Variants in ZNF428 observed in about 807,000 individuals in gnomAD.
ZNF428 encodes zinc finger protein 428.
Under a neutral mutation model 15.6 loss-of-function variants are expected in ZNF428, and 5 were observed. The observed-to-expected ratio is 0.32, with a 90% CI of 0.17 to 0.67. The LOEUF (loss-of-function observed/expected upper bound fraction) is 0.67. ZNF428 is among the 30% of genes least tolerant of loss of function. ZNF428 has a pLI of 0.73. For synonymous variants in ZNF428, 97 were observed against 102.2 expected (o/e 0.95, Z 0.31); for missense variants, 237 against 256.0 (o/e 0.93, Z 0.51).
rs1973302438 is a variant in ZNF428, at chr19:43,612,017, C to T, written c.76+2212G>A. On this transcript the variant is annotated intron_variant, in intron 2 of 2. Coordinates refer to ENST00000300811, the MANE Select transcript of ZNF428 (RefSeq NM_182498.4). The surrounding 1 kb of genome is among the most constrained non-coding windows in gnomAD (Gnocchi z 4.2). Reference sequence around the variant, plus strand: ...CCAGAGTCTTCAATGCCCACTATTACTTCACACAGTTGGCCTGTGACAGGC... The same window carrying T: ...CCAGAGTCTTCAATGCCCACTATTATTTCACACAGTTGGCCTGTGACAGGC... 4.7e-6 allele frequency: 4 copies of T among 860,152 alleles called. No homozygotes were observed. Among genetic ancestry groups the T allele is most frequent in the Non-Finnish European group, 7.4e-6 (4 of 539,826 alleles). The allele number at this position is 860,152 out of a possible 1,614,324, so 53.3% of individuals were successfully genotyped here. A position where few individuals can be genotyped will look rare whatever the true frequency, so the allele number is the denominator to read the frequency against.
rs1419045464 is a variant in ZNF428 at position 43,607,627 on chromosome 19, C to T, written c.557G>A (p.Gly186Asp). Residue 186 changes from glycine to aspartate, a missense_variant, in exon 3 of 3, where the codon GGT (glycine) becomes GAT (aspartate). Coordinates refer to ENST00000300811, the MANE Select transcript of ZNF428 (RefSeq NM_182498.4). This position sits in a 1 kb window ranked among gnomAD's most constrained non-coding sequence, Gnocchi z 5.1. Reference protein sequence around the residue: ...LHGHFMLHARGEV With the variant: ...LHGHFMLHARDEV ...GTATGGGGGCTCTGCCTACACCTCA[C>T]CCCGGGCATGCAGCATGAAGTGCCC... is the stretch of plus-strand genomic sequence containing the variant. 1 of 1,587,688 alleles carries T rather than the reference C, an allele frequency of 6.3e-7. No homozygotes were observed. Among genetic ancestry groups the T allele is most frequent in the Non-Finnish European group, 8.6e-7 (1 of 1,164,278 alleles).
At chr19:43,610,273 C>T (rs1973281529) in intron 2 of ZNF428, among the ~76,000 whole-genome samples, 1 of 151,918 alleles carries the variant, frequency 6.6e-6, no homozygotes, top group South Asian at 2.1e-4. Context: ...GATCTCAGCT[C>T]ACTGGAAACT....
At position 43,614,354 on chromosome 19, in the gene ZNF428, T is replaced by C; in HGVS notation, c.-50A>G. On this transcript the variant is annotated 5_prime_UTR_variant, in exon 2 of 3. Transcript: ENST00000300811. ...GGAGCAGAGCAGCAGCTGAGCAGCG[T>C]CCCTCCCCGGCCAGCTCTCCACAGC... is the stretch of plus-strand genomic sequence containing the variant. The C allele has an allele frequency of 6.5e-7, 1 of 1,547,946 alleles. No homozygotes were observed. The highest frequency in any genetic ancestry group is 8.7e-7 in the Non-Finnish European group (1 of 1,149,934).
intron 1 of ZNF428, among the ~76,000 whole-genome samples, chr19:43,618,820 G>A (rs1380716944): frequency 6.6e-6 from 1 of 151,554 alleles, no homozygotes. Flanking sequence ...TATTTTATAC[G>A]GCAACCACAC....
At position 43,612,501 on chromosome 19, in the gene ZNF428, G is replaced by C. The variant is rs1322674847; in HGVS notation, c.76+1728C>G. 2 of 1,551,436 alleles carry C rather than the reference G, an allele frequency of 1.3e-6. No homozygotes were observed. The highest frequency in any genetic ancestry group is 1.7e-6 in the Non-Finnish European group (2 of 1,146,970). ...AGCCGGGGTAGGACACCTGGCAGAA[G>C]GGGAAGCCGCAGCTCCAAGAGGTCA... On this transcript the variant is annotated intron_variant, in intron 2 of 2. Transcript: ENST00000300811. The surrounding 1 kb of genome is among the most constrained non-coding windows in gnomAD (Gnocchi z 4.2).
Position 43,607,371 on chromosome 19 carries a change from A to C in ZNF428, c.*246T>G. On this transcript the variant is annotated 3_prime_UTR_variant, in exon 3 of 3. Coordinates refer to ENST00000300811, the MANE Select transcript of ZNF428 (RefSeq NM_182498.4). The surrounding 1 kb of genome is among the most constrained non-coding windows in gnomAD (Gnocchi z 5.1). ...TTCCCCAAGAAGGAGCCCAGGGGGA[A>C]TACACACACACACACACACACACAA... 9.1e-6 allele frequency: 4 copies of C among 437,820 alleles called. No individual in the cohort carries two copies. Among genetic ancestry groups the C allele is most frequent in the Admixed American group, 4.2e-5 (1 of 23,626 alleles). 27.1% of individuals were successfully genotyped at this position (437,820 alleles called of 1,614,324 possible). A position where few individuals can be genotyped will look rare whatever the true frequency, so the allele number is the denominator to read the frequency against.
chr19:43,609,697 G>A (rs971142957), intron 2 of ZNF428, among the ~76,000 whole-genome samples: 6 of 150,654 alleles, frequency 4.0e-5, no homozygotes, highest in African/African-American at 1.5e-4. Flanking sequence ...AGCCAATATT[G>A]AACCACTGCA....
chr19:43,614,493 T>C (rs1973352585), intron 1 of ZNF428, 59 bp from the exon 2 acceptor site: 2 of 1,405,712 alleles, frequency 1.4e-6, no homozygotes, highest in Non-Finnish European at 1.9e-6. Flanking sequence ...ATAGCACCCA[T>C]CCCCACCAAG....
At position 43,612,150 on chromosome 19, in the gene ZNF428, C is replaced by A. The variant is rs1184183663; in HGVS notation, c.76+2079G>T. 13 of 1,551,680 alleles carry A rather than the reference C, an allele frequency of 8.4e-6. No homozygotes were observed. Among genetic ancestry groups the A allele is most frequent in the Non-Finnish European group, 6.1e-6 (7 of 1,146,982 alleles). On this transcript the variant is annotated intron_variant, in intron 2 of 2. Transcript: ENST00000300811. This position sits in a 1 kb window ranked among gnomAD's most constrained non-coding sequence, Gnocchi z 4.2. ...TCTTCACCTAAGAGATCTTCAAAGCCCAGTATGTCTCTGGCACCCAGTGGA... is the reference window on the plus strand; with the variant it reads ...TCTTCACCTAAGAGATCTTCAAAGCACAGTATGTCTCTGGCACCCAGTGGA...
At chr19:43,613,898 C>A in intron 2 of ZNF428, 4 of 1,551,672 alleles carry the variant, frequency 2.6e-6, no homozygotes. Context: ...GGAGAGAGAT[C>A]ACAGCCGATC....
chr19:43,616,770 C>T (rs1600089695), intron 1 of ZNF428, among the ~76,000 whole-genome samples: 1 of 151,392 alleles, frequency 6.6e-6, no homozygotes, highest in Admixed American at 6.6e-5. Context: ...ATCTGTGGGT[C>T]TTAGTACACC....
At chr19:43,614,123 C>G in intron 2 of ZNF428, 106 bp downstream of exon 2, 2 of 1,604,318 alleles carry the variant, frequency 1.2e-6, no homozygotes, top group Non-Finnish European at 1.7e-6. Context: ...GAATAGAACC[C>G]CTAGCAAGAC....
chr19:43,615,918 G>A (rs2146122827), intron 1 of ZNF428, among the ~76,000 whole-genome samples: 1 of 152,306 alleles, frequency 6.6e-6, no homozygotes, highest in South Asian at 2.1e-4. Flanking sequence ...CAGTCCTCTT[G>A]GGTTTTTACG....
chr19:43,613,593 C>T, intron 2 of ZNF428: 1 of 1,551,182 alleles, frequency 6.4e-7, no homozygotes, highest in Non-Finnish European at 8.7e-7. Flanking sequence ...CTTGGAAGCC[C>T]CAGCAAAGAG....
chr19:43,612,285 C>G lies in ZNF428; in HGVS notation c.76+1944G>C. The G allele has an allele frequency of 6.4e-7, 1 of 1,551,744 alleles. No individual in the cohort carries two copies. Among genetic ancestry groups the G allele is most frequent in the Non-Finnish European group, 8.7e-7 (1 of 1,147,006 alleles). Reference sequence around the variant, plus strand: ...ACCAAACCAGCGACATCCCGTAACTCAGTCATGAGCCCAAGCAGTTCCAAG... The same window carrying G: ...ACCAAACCAGCGACATCCCGTAACTGAGTCATGAGCCCAAGCAGTTCCAAG... On this transcript the variant is annotated intron_variant, in intron 2 of 2. Transcript: ENST00000300811. This position sits in a 1 kb window ranked among gnomAD's most constrained non-coding sequence, Gnocchi z 4.2.
chr19:43,613,813 C>G, intron 2 of ZNF428: 1 of 1,549,274 alleles, frequency 6.5e-7, no homozygotes, highest in Non-Finnish European at 8.7e-7. Flanking sequence ...GAAGCCCCAG[C>G]AAAGAGAGAG....
intron 1 of ZNF428, 30 bp from the exon 2 acceptor site, chr19:43,614,464 T>C: frequency 7.0e-7 from 1 of 1,431,524 alleles, no homozygotes; most frequent in South Asian, 1.5e-5. Flanking sequence ...AGACCTGTGA[T>C]GATTCAATAA....
Position 43,607,571 on chromosome 19 carries a change from C to T in ZNF428, c.*46G>A. 1 of 1,531,264 alleles carries T rather than the reference C, an allele frequency of 6.5e-7. No homozygotes were observed. The highest frequency in any genetic ancestry group is 1.3e-5 in the South Asian group (1 of 78,962). 94.9% of individuals were successfully genotyped at this position (1,531,264 alleles called of 1,614,324 possible). On this transcript the variant is annotated 3_prime_UTR_variant, in exon 3 of 3. Transcript: ENST00000300811. The surrounding 1 kb of genome is among the most constrained non-coding windows in gnomAD (Gnocchi z 5.1). Reference sequence around the variant, plus strand: ...CAACCCCAATTTCCTCAGCCCCCTCCTCCCACCCCACCCCTTCTGCCAAGC... The same window carrying T: ...CAACCCCAATTTCCTCAGCCCCCTCTTCCCACCCCACCCCTTCTGCCAAGC...
In ZNF428 at chr19:43,608,037, CTCCTCA is replaced by C; in HGVS notation, c.141_146del (p.Asp47_Glu48del). 1 of 1,613,926 alleles carries C rather than the reference CTCCTCA, an allele frequency of 6.2e-7. No homozygotes were observed. Among genetic ancestry groups the C allele is most frequent in the Non-Finnish European group, 8.5e-7 (1 of 1,180,014 alleles). ...CGTCAGTGGTCTCCTCTTCCTCCTC[CTCCTCA>C]TCTTCTTCCTCTTCGGAGTCCGGCT... On this transcript the variant is annotated inframe_deletion, in exon 3 of 3. Coordinates refer to ENST00000300811, the MANE Select transcript of ZNF428 (RefSeq NM_182498.4).
Sources: gnomAD v4.1 joint callset for allele counts (sites outside exome capture counted in the v4.1 genomes callset) on GRCh38, gnomAD v4.1.1 for gene constraint, Gnocchi (gnomAD v3.1) non-coding constraint, MANE v1.5 for transcripts, NCBI Gene and HGNC (gene_info 2026-07-23, HGNC 2026-07-21) for gene names.